The following AKT3 variants were observed in gnomAD, a reference collection of about 807,000 sequenced individuals.
AKT3 encodes AKT serine/threonine kinase 3.
Under a neutral mutation model 65.3 loss-of-function variants are expected in AKT3, and 15 were observed. The observed-to-expected ratio is 0.23, with a 90% CI of 0.15 to 0.35. AKT3 has a LOEUF of 0.35. Ranked by LOEUF, AKT3 falls within the 10% of genes least tolerant of loss-of-function variation. The probability of loss-of-function intolerance (pLI) is 1.00; values close to 1 mark genes in which losing one functional copy is unlikely to be tolerated. For missense variants in AKT3, 243 were observed against 576.5 expected (o/e 0.42, Z 5.92); for synonymous variants, 206 against 183.8 (o/e 1.12, Z -0.98).
At chr1:243,843,351 T>A (rs946067049) in intron 1 of AKT3, 69 bp from the exon 2 acceptor site, 23 of 1,305,352 alleles carry the variant, frequency 1.8e-5, no homozygotes, top group Non-Finnish European at 2.2e-5. Context: ...AACAAACAAC[T>A]AATTCTTTGT....
chr1:243,760,176 G>C (rs1291147404), intron 2 of AKT3, among the ~76,000 whole-genome samples: 3 of 152,106 alleles, frequency 2.0e-5, no homozygotes, highest in African/African-American at 7.2e-5. Flanking sequence ...CAGGAGTACG[G>C]TGGTGTGGCC....
chr1:243,662,715 A>G (rs1473062690), intron 4 of AKT3, among the ~76,000 whole-genome samples: 2 of 151,856 alleles, frequency 1.3e-5, no homozygotes, highest in African/African-American at 2.4e-5. Context: ...ATAATAATAA[A>G]TAAAATAAAA....
intron 2 of AKT3, among the ~76,000 whole-genome samples, chr1:243,697,712 A>C (rs1274091833): frequency 6.6e-6 from 1 of 152,114 alleles, no homozygotes. Context: ...AGTCTCATGA[A>C]AAAAGTAAAC....
intron 2 of AKT3, among the ~76,000 whole-genome samples, chr1:243,810,949 A>G (rs1204898285): frequency 6.6e-6 from 1 of 152,234 alleles, no homozygotes; most frequent in African/African-American, 2.4e-5. Context: ...TAGATGCAGA[A>G]AAGGCCTTTG....
chr1:243,822,552 A>C (rs1400929786), intron 2 of AKT3, among the ~76,000 whole-genome samples: 1 of 152,072 alleles, frequency 6.6e-6, no homozygotes, highest in African/African-American at 2.4e-5. Context: ...ATAAAGAAGA[A>C]AAGAGAGAAG....
At chr1:243,540,157 A>C (rs750504624) in intron 12 of AKT3, among the ~76,000 whole-genome samples, 37 of 152,196 alleles carry the variant, frequency 2.4e-4, no homozygotes, top group Non-Finnish European at 4.7e-4. Context: ...AAAGAAGATG[A>C]CATAGTAATA....
At chr1:243,839,832 T>C (rs1695131274) in intron 2 of AKT3, among the ~76,000 whole-genome samples, 2 of 150,692 alleles carry the variant, frequency 1.3e-5, no homozygotes, top group South Asian at 2.1e-4. Flanking sequence ...TTTTTGTTGT[T>C]GTTGTTGATG....
intron 3 of AKT3, among the ~76,000 whole-genome samples, chr1:243,668,312 AG>A (rs777372613): frequency 8.5e-5 from 13 of 152,336 alleles, no homozygotes; most frequent in Non-Finnish European, 1.6e-4. Flanking sequence ...GGACAAGTAA[AG>A]GGGTAGCTCT....
rs539321011 is a variant in AKT3 at position 243,810,387 on chromosome 1, A to G, written c.46+32738T>C. On this transcript the variant is annotated intron_variant, in intron 2 of 13. Coordinates refer to ENST00000673466, the MANE Select transcript of AKT3 (RefSeq NM_005465.7). ...GAAATACAAACTACTATCAGAGAATACTATAAACACCTCTATGCAAATAAA... is the reference window on the plus strand; with the variant it reads ...GAAATACAAACTACTATCAGAGAATGCTATAAACACCTCTATGCAAATAAA... Among the ~76,000 whole-genome samples, 3 of 152,340 alleles carry G rather than the reference A, an allele frequency of 2.0e-5. No homozygotes were observed. In the South Asian group the frequency reaches 6.2e-4, roughly 32 times the overall value.
intron 7 of AKT3, among the ~76,000 whole-genome samples, 196 bp downstream of exon 7, chr1:243,614,900 A>G (rs1004193530): frequency 6.6e-5 from 10 of 152,154 alleles, no homozygotes; most frequent in African/African-American, 1.9e-4. Flanking sequence ...TAAATGCATA[A>G]TGGGAGGAAT....
intron 2 of AKT3, among the ~76,000 whole-genome samples, chr1:243,804,713 G>T (rs1262618526): frequency 6.6e-6 from 1 of 152,012 alleles, no homozygotes; most frequent in Non-Finnish European, 1.5e-5. Flanking sequence ...CGGGCGTGGT[G>T]GCAGGCACCT....
At chr1:243,512,782 G>A (rs551620127) in intron 12 of AKT3, among the ~76,000 whole-genome samples, 33 of 152,126 alleles carry the variant, frequency 2.2e-4, no homozygotes, top group South Asian at 4.2e-4. Context: ...GCTCTTCCTC[G>A]GGCAACCTCT....
intron 9 of AKT3, among the ~76,000 whole-genome samples, chr1:243,565,291 G>C (rs1348533430): frequency 1.3e-5 from 2 of 152,308 alleles, no homozygotes; most frequent in African/African-American, 4.8e-5. Context: ...GAGTGCAGTG[G>C]TGCAATCACA....
At chr1:243,569,737 T>C (rs755602086) in intron 9 of AKT3, among the ~76,000 whole-genome samples, 1 of 152,208 alleles carries the variant, frequency 6.6e-6, no homozygotes, top group Non-Finnish European at 1.5e-5. Flanking sequence ...TATGTATTAT[T>C]TTCTCCCATA....
intron 9 of AKT3, among the ~76,000 whole-genome samples, chr1:243,568,680 A>T (rs1674350942): frequency 6.6e-6 from 1 of 152,208 alleles, no homozygotes; most frequent in African/African-American, 2.4e-5. Flanking sequence ...AAACTTTAAA[A>T]ATCCTAGCTG....
At chr1:243,644,729 A>G (rs1479344703) in intron 5 of AKT3, among the ~76,000 whole-genome samples, 1 of 152,178 alleles carries the variant, frequency 6.6e-6, no homozygotes, top group African/African-American at 2.4e-5. Context: ...TTGGGGTTCA[A>G]ATACTTAACC....
chr1:243,738,066 A>T (rs1451170690), intron 2 of AKT3, among the ~76,000 whole-genome samples: 10 of 152,214 alleles, frequency 6.6e-5, no homozygotes, highest in Non-Finnish European at 1.3e-4. Context: ...TTCACCAAAA[A>T]AGAAATGTTT....
Position 243,646,019 on chromosome 1 carries a change from A to G in AKT3, c.303T>C (p.Ala101=). The change falls in exon 5 of 14, where the codon GCT becomes GCC. Residue 101 remains alanine (A), a synonymous_variant. Coordinates refer to ENST00000673466, the MANE Select transcript of AKT3 (RefSeq NM_005465.7). ...GCAGTCTGTCTGCTACAGCCTGGAT[A>G]GCTTCTGTCCATTCTTCCCTATAAA... The part of the protein sequence containing the change: ...TPEEREEWTE[A]IQAVADRLQR... 6.2e-7 allele frequency: 1 copy of G among 1,609,654 alleles called. No individual in the cohort carries two copies. Among genetic ancestry groups the G allele is most frequent in the African/African-American group, 1.3e-5 (1 of 74,844 alleles).
intron 4 of AKT3, among the ~76,000 whole-genome samples, chr1:243,650,950 G>A (rs903799918): frequency 2.0e-5 from 3 of 152,142 alleles, no homozygotes; most frequent in Non-Finnish European, 4.4e-5. Flanking sequence ...AAAGTCAATG[G>A]TAGCTTGATG....
Sources: gnomAD v4.1 joint callset for allele counts (sites outside exome capture counted in the v4.1 genomes callset) on GRCh38, gnomAD v4.1.1 for gene constraint, MANE v1.5 for transcripts, NCBI Gene and HGNC (gene_info 2026-07-23, HGNC 2026-07-21) for gene names.